Variants in DLGAP1 observed in about 807,000 individuals in gnomAD.
DLGAP1 encodes the protein DLG associated protein 1.
Under a neutral mutation model 90.8 loss-of-function variants are expected in DLGAP1, and 11 were observed. That is an observed-to-expected ratio of 0.12 (90% CI 0.08 to 0.20). The LOEUF is 0.20. Ranked by LOEUF, DLGAP1 falls within the 10% of genes least tolerant of loss-of-function variation. The pLI is 1.00. For missense variants in DLGAP1, 1,050 were observed against 1,333.8 expected (o/e 0.79, Z 3.31); for synonymous variants, 558 against 540.7 (o/e 1.03, Z -0.44).
At chr18:3,590,022 T>C (rs913734932) in intron 7 of DLGAP1, among the ~76,000 whole-genome samples, 2 of 152,212 alleles carry the variant, frequency 1.3e-5, no homozygotes, top group Admixed American at 6.5e-5. Flanking sequence ...GCAATTCTCC[T>C]GCTTCAGCCT....
intron 3 of DLGAP1, among the ~76,000 whole-genome samples, chr18:3,996,498 A>G (rs1232514794): frequency 1.3e-5 from 2 of 152,096 alleles, no homozygotes; most frequent in South Asian, 2.1e-4. Context: ...TAATAAAAAT[A>G]TAGCATTTTA....
intron 1 of DLGAP1, among the ~76,000 whole-genome samples, chr18:4,166,328 T>TTCATACCCA (rs2076932752): frequency 6.6e-6 from 1 of 152,166 alleles, no homozygotes; most frequent in Non-Finnish European, 1.5e-5. Flanking sequence ...GAGTTACTAC[T>TTCATACCCA]TCATACCCAT....
At chr18:3,829,206 A>T (rs1228384057) in intron 4 of DLGAP1, among the ~76,000 whole-genome samples, 2 of 152,256 alleles carry the variant, frequency 1.3e-5, no homozygotes, top group Non-Finnish European at 2.9e-5. Flanking sequence ...GTTTTCAAAC[A>T]TAAAGTGAGG....
intron 1 of DLGAP1, among the ~76,000 whole-genome samples, chr18:4,371,161 A>G (rs1358992147): frequency 1.3e-5 from 2 of 152,246 alleles, no homozygotes; most frequent in Admixed American, 1.3e-4. Flanking sequence ...TGTCTGAGAT[A>G]TAAGTGTACA....
chr18:3,763,628 T>C (rs2147933729), intron 5 of DLGAP1, among the ~76,000 whole-genome samples: 1 of 152,308 alleles, frequency 6.6e-6, no homozygotes, highest in East Asian at 1.9e-4. Flanking sequence ...TTTGATCCTT[T>C]GCTTCAGTTA....
At chr18:4,317,950 C>T (rs529855428) in intron 1 of DLGAP1, among the ~76,000 whole-genome samples, 3 of 152,214 alleles carry the variant, frequency 2.0e-5, no homozygotes, top group South Asian at 2.1e-4. Context: ...TGGGTTCAAA[C>T]GATTCTCCGG....
chr18:4,356,838 AC>A (rs2081526645), intron 1 of DLGAP1, among the ~76,000 whole-genome samples: 1 of 151,422 alleles, frequency 6.6e-6, no homozygotes, highest in African/African-American at 2.4e-5. Context: ...TCCTATTATC[AC>A]CTTTGTTTGC....
At chr18:3,861,849 T>C (rs2070083551) in intron 4 of DLGAP1, among the ~76,000 whole-genome samples, 1 of 152,240 alleles carries the variant, frequency 6.6e-6, no homozygotes, top group South Asian at 2.1e-4. Context: ...CCAATGGGCC[T>C]GCCACCAATG....
At chr18:4,441,709 C>T (rs1265466537) in intron 1 of DLGAP1, among the ~76,000 whole-genome samples, 1 of 152,180 alleles carries the variant, frequency 6.6e-6, no homozygotes, top group African/African-American at 2.4e-5. Flanking sequence ...AAATAATCAC[C>T]TTCTGGGACA....
At chr18:3,594,646 G>C (rs1374538690) in intron 7 of DLGAP1, among the ~76,000 whole-genome samples, 1 of 152,090 alleles carries the variant, frequency 6.6e-6, no homozygotes, top group East Asian at 1.9e-4. Context: ...TGGGGCTGGG[G>C]ATTTTCGTTG....
chr18:4,195,463 G>A (rs1341522938), intron 1 of DLGAP1, among the ~76,000 whole-genome samples: 4 of 152,112 alleles, frequency 2.6e-5, no homozygotes, highest in East Asian at 3.9e-4. Flanking sequence ...TAAAAGATGC[G>A]AAATTTGCAT....
At chr18:3,803,204 A>T (rs2066396424) in intron 5 of DLGAP1, among the ~76,000 whole-genome samples, 1 of 152,238 alleles carries the variant, frequency 6.6e-6, no homozygotes, top group Non-Finnish European at 1.5e-5. Context: ...CCCCCCTAGC[A>T]TTGTGGAGTG....
chr18:4,040,534 T>G (rs2074958781), intron 2 of DLGAP1, among the ~76,000 whole-genome samples: 1 of 152,250 alleles, frequency 6.6e-6, no homozygotes, highest in African/African-American at 2.4e-5. Flanking sequence ...TATTTCATTT[T>G]CACAATGTGG....
chr18:3,536,377 C>T (rs1328623611), intron 9 of DLGAP1, among the ~76,000 whole-genome samples: 1 of 151,920 alleles, frequency 6.6e-6, no homozygotes, highest in Non-Finnish European at 1.5e-5. Flanking sequence ...GCATGCACCA[C>T]CATGCCCATC....
intron 2 of DLGAP1, among the ~76,000 whole-genome samples, chr18:4,100,695 G>A (rs1157424277): frequency 7.0e-6 from 1 of 143,506 alleles, no homozygotes; most frequent in Non-Finnish European, 1.5e-5. Context: ...CAAATCTGTG[G>A]TTTACTGTAG....
At chr18:3,608,907 G>C (rs181559400) in intron 7 of DLGAP1, among the ~76,000 whole-genome samples, 5 of 152,300 alleles carry the variant, frequency 3.3e-5, no homozygotes, top group Non-Finnish European at 7.4e-5. Flanking sequence ...CACGATCTCA[G>C]CTCACTGCAA....
chr18:3,502,247 C>CA (rs1445745831), intron 12 of DLGAP1: 30 of 1,352,846 alleles, frequency 2.2e-5, no homozygotes, highest in Middle Eastern at 2.8e-4. Flanking sequence ...GTTTAATTAA[C>CA]AAAAAAAGCC....
chr18:3,539,964 T>C (rs192894490), intron 9 of DLGAP1, among the ~76,000 whole-genome samples: 9 of 152,326 alleles, frequency 5.9e-5, no homozygotes, highest in Non-Finnish European at 1.0e-4. Flanking sequence ...TATTCTTTCT[T>C]TCTTTGTACA....
chr18:4,285,848 C>A (rs2079676568), intron 1 of DLGAP1, among the ~76,000 whole-genome samples: 1 of 152,172 alleles, frequency 6.6e-6, no homozygotes, highest in Admixed American at 6.5e-5. Flanking sequence ...TCAATCTTGT[C>A]TTGTCTACCT....
Sources: gnomAD v4.1 joint callset for allele counts (sites outside exome capture counted in the v4.1 genomes callset) on GRCh38, gnomAD v4.1.1 for gene constraint, MANE v1.5 for transcripts, NCBI Gene and HGNC (gene_info 2026-07-23, HGNC 2026-07-21) for gene names.